The following RIC1 variants were observed in gnomAD, a reference collection of about 807,000 sequenced individuals.
RIC1 encodes the protein guanine nucleotide exchange factor subunit RIC1.
In RIC1, 88 loss-of-function variants were observed where a neutral mutation model predicts 169.0. That is an observed-to-expected ratio of 0.52 (90% CI 0.44 to 0.62). RIC1 has a LOEUF of 0.62. Among genes scored for constraint, RIC1 ranks in the 20% least tolerant of loss-of-function variants. RIC1 has a pLI of 0.00. For missense variants in RIC1, 1,877 were observed against 1,725.5 expected, an observed-to-expected ratio of 1.09 and a Z score of -1.56; for synonymous variants, 790 against 601.5, an observed-to-expected ratio of 1.31 and a Z score of -4.59.
chr9:5,733,053 A>G (rs935740772), intron 7 of RIC1, among the ~76,000 whole-genome samples: 1 of 152,184 alleles, frequency 6.6e-6, no homozygotes, highest in Admixed American at 6.5e-5. Context: ...GGTTGAGCTT[A>G]AATTTTAGCT....
intron 1 of RIC1, among the ~76,000 whole-genome samples, chr9:5,635,049 A>G (rs1255206506): frequency 2.0e-5 from 3 of 152,136 alleles, no homozygotes; most frequent in Admixed American, 1.3e-4. Context: ...GTACAGAGTC[A>G]TGATCATGGC....
rs35035828 is a variant in RIC1, at chr9:5,705,192, G to GTTT, written c.333-8686_333-8684dup. 1.5e-4 allele frequency among the ~76,000 whole-genome samples: 17 copies of GTTT among 113,368 alleles called. 1 individual carries two copies. The highest frequency in any genetic ancestry group is 5.7e-4 in the South Asian group (2 of 3,488). The allele number at this position is 113,368 out of a possible 152,430, so 74.4% of individuals were successfully genotyped here. On this transcript the variant is annotated intron_variant, in intron 3 of 25. Transcript: ENST00000414202. ...TTTTAGGATCAGCTTTCCCATTTCT[G>GTTT]TTTTTTTTTTTTTTTTTTTTAAAAG...
At chr9:5,663,417 A>T (rs1313892407) in intron 2 of RIC1, among the ~76,000 whole-genome samples, 1 of 152,032 alleles carries the variant, frequency 6.6e-6, no homozygotes, top group Non-Finnish European at 1.5e-5. Flanking sequence ...TAATATTGTC[A>T]ATGGTGTGTT....
At chr9:5,699,364 G>C (rs1288417765) in intron 3 of RIC1, among the ~76,000 whole-genome samples, 3 of 152,202 alleles carry the variant, frequency 2.0e-5, no homozygotes, top group Non-Finnish European at 4.4e-5. Context: ...CTGGTCCAAG[G>C]TGGGCTTCAG....
chr9:5,727,203 G>A (rs7861380), intron 6 of RIC1, among the ~76,000 whole-genome samples: 59 of 152,288 alleles, frequency 3.9e-4, no homozygotes, highest in African/African-American at 1.4e-3. Flanking sequence ...GTCAGACGTA[G>A]ATTTCATCTT....
At chr9:5,762,476 G>T (rs990087477) in intron 17 of RIC1, 65 bp from the exon 18 acceptor site, 2 of 1,585,112 alleles carry the variant, frequency 1.3e-6, no homozygotes, top group Non-Finnish European at 1.7e-6. Flanking sequence ...TTATGGATTG[G>T]GGGGAGATGC....
chr9:5,630,177 T>C (rs367829717), intron 1 of RIC1, among the ~76,000 whole-genome samples: 1 of 152,214 alleles, frequency 6.6e-6, no homozygotes, highest in Non-Finnish European at 1.5e-5. Flanking sequence ...AATTCTGTTT[T>C]TGCTTTAAGT....
chr9:5,725,687 TG>T (rs1458520777), intron 6 of RIC1, among the ~76,000 whole-genome samples: 7 of 152,208 alleles, frequency 4.6e-5, no homozygotes, highest in Non-Finnish European at 1.0e-4. Flanking sequence ...CTTTCTGTTG[TG>T]GGCATTTAAT....
chr9:5,741,055 G>T (rs1393532865), intron 8 of RIC1, among the ~76,000 whole-genome samples: 2 of 152,158 alleles, frequency 1.3e-5, no homozygotes, highest in Non-Finnish European at 2.9e-5. Flanking sequence ...CTTTGGGAGA[G>T]TCTGAAATGT....
rs1247738589 is a variant in RIC1 at position 5,747,395 on chromosome 9, A to G, written c.1342A>G (p.Thr448Ala). Residue 448 changes from threonine to alanine, a missense_variant, in exon 12 of 26, where the codon ACA (threonine) becomes GCA (alanine). This residue lies in a region of RIC1 where 1,104 missense variants were observed against 992.0 expected (regional missense o/e 1.11). Coordinates refer to ENST00000414202, the MANE Select transcript of RIC1 (RefSeq NM_020829.4). ...SQTQNPRSSS[T>A]HSEHKPSREK... Reference sequence around the variant, plus strand: ...AACCCAGAATCCCAGGAGTTCTTCAACACACTCTGAGCATAAGCCCAGTCG... The same window carrying G: ...AACCCAGAATCCCAGGAGTTCTTCAGCACACTCTGAGCATAAGCCCAGTCG... The G allele has an allele frequency of 5.6e-6, 9 of 1,613,940 alleles. No individual in the cohort carries two copies. Among genetic ancestry groups the G allele is most frequent in the Non-Finnish European group, 6.8e-6 (8 of 1,179,944 alleles).
intron 3 of RIC1, 36 bp from the exon 4 acceptor site, chr9:5,713,860 C>G: frequency 6.8e-7 from 1 of 1,468,562 alleles, no homozygotes; most frequent in Admixed American, 1.7e-5. Context: ...GAGGCAAATT[C>G]AGCATCTTTC....
chr9:5,675,096 T>A (rs540750367), intron 2 of RIC1, among the ~76,000 whole-genome samples: 39 of 152,324 alleles, frequency 2.6e-4, no homozygotes, highest in African/African-American at 7.9e-4. Flanking sequence ...GGGAAGGGGT[T>A]CTTATCCCTG....
chr9:5,770,047 A>C, intron 22 of RIC1, 40 bp from the exon 23 acceptor site: 1 of 1,538,678 alleles, frequency 6.5e-7, no homozygotes, highest in Non-Finnish European at 8.8e-7. Flanking sequence ...TGCATCTTCA[A>C]TTTCTTCCTC....
At chr9:5,703,996 A>C (rs961877295) in intron 3 of RIC1, among the ~76,000 whole-genome samples, 2 of 151,936 alleles carry the variant, frequency 1.3e-5, no homozygotes, top group African/African-American at 4.8e-5. Context: ...CCATATGTGA[A>C]GGTTCTGGTT....
chr9:5,650,765 G>C (rs968748881), intron 1 of RIC1, among the ~76,000 whole-genome samples: 1 of 152,078 alleles, frequency 6.6e-6, no homozygotes, highest in Admixed American at 6.6e-5. Context: ...CCTTGTGATA[G>C]CCTCCCCAGT....
intron 1 of RIC1, among the ~76,000 whole-genome samples, chr9:5,652,743 T>C (rs1818875647): frequency 6.6e-6 from 1 of 152,208 alleles, no homozygotes; most frequent in East Asian, 1.9e-4. Context: ...CAGTACTGCG[T>C]TGAATAAAAG....
intron 3 of RIC1, among the ~76,000 whole-genome samples, chr9:5,708,285 T>A (rs1283863767): frequency 1.3e-5 from 2 of 152,174 alleles, no homozygotes; most frequent in African/African-American, 4.8e-5. Context: ...GCACTTGTCT[T>A]TTGAGTCATA....
At chr9:5,762,511 T>A in intron 17 of RIC1, 30 bp from the exon 18 acceptor site, 1 of 1,612,218 alleles carries the variant, frequency 6.2e-7, no homozygotes, top group Middle Eastern at 1.7e-4. Flanking sequence ...TACAGAAGTA[T>A]GAATTTAGCT....
At chr9:5,767,492 T>TC (rs71487832) in intron 21 of RIC1, among the ~76,000 whole-genome samples, 82 of 151,852 alleles carry the variant, frequency 5.4e-4, no homozygotes, top group African/African-American at 1.4e-3. Flanking sequence ...TTTTTTTTTT[T>TC]CCCCAGGACA....
Sources: allele counts gnomAD v4.1 joint callset (sites outside exome capture counted in the v4.1 genomes callset), GRCh38; gene constraint gnomAD v4.1.1; regional missense constraint gnomAD v4.1.1; transcripts MANE v1.5; gene names NCBI Gene and HGNC (gene_info 2026-07-23, HGNC 2026-07-21).